Variants in SORCS2 observed in about 807,000 individuals in gnomAD.
SORCS2 encodes VPS10 domain-containing receptor SorCS2.
SORCS2 carries 100 observed loss-of-function variants against 141.6 expected under a neutral mutation model. The ratio of observed to expected loss-of-function variants is 0.71; its 90% CI spans 0.60 to 0.83. The LOEUF (loss-of-function observed/expected upper bound fraction) is 0.83. Ranked by LOEUF, SORCS2 falls within the 40% of genes least tolerant of loss-of-function variation. The pLI is 0.00. For missense variants in SORCS2, 1,646 were observed against 1,560.2 expected (o/e 1.05, Z -0.93); for synonymous variants, 789 against 676.9 (o/e 1.17, Z -2.57).
At chr4:7,428,019 G>T (rs1726576876) in intron 2 of SORCS2, among the ~76,000 whole-genome samples, 1 of 152,112 alleles carries the variant, frequency 6.6e-6, no homozygotes, top group Non-Finnish European at 1.5e-5. Context: ...TGCTCTGTGG[G>T]CTCTTCTGGG....
At chr4:7,316,172 A>C in intron 1 of SORCS2, among the ~76,000 whole-genome samples, 1 of 150,152 alleles carries the variant, frequency 6.7e-6, no homozygotes, top group East Asian at 2.0e-4. Flanking sequence ...TATCCCTCCT[A>C]TTCACCCATT....
intron 4 of SORCS2, among the ~76,000 whole-genome samples, chr4:7,653,152 C>A (rs574906020): frequency 2.5e-4 from 38 of 152,332 alleles, no homozygotes; most frequent in African/African-American, 9.1e-4. Context: ...GAACCCCTCC[C>A]GAGGGCACAG....
intron 1 of SORCS2, among the ~76,000 whole-genome samples, chr4:7,340,692 C>T (rs540070963): frequency 6.6e-6 from 1 of 152,358 alleles, no homozygotes; most frequent in East Asian, 1.9e-4. Flanking sequence ...GCTCCAGCTG[C>T]AGGCCCCACT....
intron 3 of SORCS2, among the ~76,000 whole-genome samples, chr4:7,629,877 G>A (rs1577865321): frequency 1.3e-5 from 2 of 151,936 alleles, no homozygotes; most frequent in Admixed American, 6.6e-5. Context: ...ACGCGCTGTC[G>A]GCCACCCTTT....
rs551133176 is a variant in SORCS2, at chr4:7,524,656, G to A, written c.549-6874G>A. Among the ~76,000 whole-genome samples the A allele has an allele frequency of 5.3e-5, 8 of 151,448 alleles. No homozygotes were observed. The East Asian group carries it at 5.9e-4, about 11-fold the overall frequency. ...GAATAATGGCCAGATAAGCAGCGCC[G>A]CCGCCCTTGTTCTTTCCCCAGGAAA... On this transcript the variant is annotated intron_variant, in intron 2 of 26. Coordinates refer to ENST00000507866, the MANE Select transcript of SORCS2 (RefSeq NM_020777.3).
intron 1 of SORCS2, among the ~76,000 whole-genome samples, chr4:7,345,943 C>T (rs1420167165): frequency 2.6e-5 from 4 of 152,210 alleles, no homozygotes; most frequent in Admixed American, 2.0e-4. Flanking sequence ...AACTTCTTCT[C>T]TTCCTTCATG....
rs563291887 is a variant in SORCS2, at chr4:7,689,092, C to G, written c.1489-394C>G. On this transcript the variant is annotated intron_variant, in intron 10 of 26. Transcript: ENST00000507866. ...TCACATCCCATGGCCCGGCACTTGA[C>G]CCGGCACTTGGGCTCTTGACCGATG... 3.3e-5 allele frequency among the ~76,000 whole-genome samples: 5 copies of G among 152,258 alleles called. No homozygotes were observed. The South Asian group carries it at 1.0e-3, about 32-fold the overall frequency.
chr4:7,349,716 C>T (rs529418549), intron 1 of SORCS2, among the ~76,000 whole-genome samples: 6 of 152,260 alleles, frequency 3.9e-5, no homozygotes, highest in East Asian at 1.9e-4. Context: ...CCAGGTGCTG[C>T]GGAGGTCCAG....
At chr4:7,256,580 A>C (rs1443351002) in intron 1 of SORCS2, among the ~76,000 whole-genome samples, 1 of 151,958 alleles carries the variant, frequency 6.6e-6, no homozygotes, top group African/African-American at 2.4e-5. Flanking sequence ...CTGGGGGATT[A>C]CAGAGCTGAA....
At chr4:7,534,875 C>T (rs1379388837) in intron 3 of SORCS2, among the ~76,000 whole-genome samples, 1 of 152,222 alleles carries the variant, frequency 6.6e-6, no homozygotes, top group African/African-American at 2.4e-5. Flanking sequence ...TGATTTGTTG[C>T]AGCAGCCACA....
chr4:7,434,372 G>C, intron 2 of SORCS2: 1 of 1,607,568 alleles, frequency 6.2e-7, no homozygotes, highest in Non-Finnish European at 8.5e-7. Context: ...AAGGTAAGGG[G>C]CCCATTGGCC....
intron 3 of SORCS2, among the ~76,000 whole-genome samples, chr4:7,623,666 G>C (rs927353510): frequency 3.9e-5 from 6 of 152,060 alleles, no homozygotes; most frequent in African/African-American, 1.4e-4. Flanking sequence ...CTGCTGGATT[G>C]GTCACCTGGG....
chr4:7,638,245 C>G, intron 3 of SORCS2, 83 bp from the exon 4 acceptor site: 1 of 1,447,812 alleles, frequency 6.9e-7, no homozygotes, highest in Non-Finnish European at 9.2e-7. Flanking sequence ...AGAGGCGCAC[C>G]TGGCCCAGGC....
intron 2 of SORCS2, among the ~76,000 whole-genome samples, chr4:7,494,862 C>T (rs1415592710): frequency 4.6e-5 from 7 of 152,206 alleles, no homozygotes; most frequent in Non-Finnish European, 8.8e-5. Context: ...CTTTGGGCTC[C>T]GGCTCGTCTC....
At chr4:7,396,734 G>A (rs577233439) in intron 2 of SORCS2, among the ~76,000 whole-genome samples, 7 of 152,268 alleles carry the variant, frequency 4.6e-5, no homozygotes, top group African/African-American at 1.4e-4. Flanking sequence ...CCCACCAAAG[G>A]CTCTGATTAT....
chr4:7,604,784 A>G (rs1717955580), intron 3 of SORCS2, among the ~76,000 whole-genome samples: 1 of 152,142 alleles, frequency 6.6e-6, no homozygotes, highest in African/African-American at 2.4e-5. Flanking sequence ...GGTCTCGGGT[A>G]TTTCTTTATA....
At chr4:7,349,275 C>G (rs79495605) in intron 1 of SORCS2, among the ~76,000 whole-genome samples, 1 of 152,212 alleles carries the variant, frequency 6.6e-6, no homozygotes, top group African/African-American at 2.4e-5. Flanking sequence ...CAGAAGGCCC[C>G]TCTGCCCCAG....
At chr4:7,556,918 C>CCCCCCCCT (rs1714170196) in intron 3 of SORCS2, among the ~76,000 whole-genome samples, 1 of 111,278 alleles carries the variant, frequency 9.0e-6, no homozygotes, top group African/African-American at 3.3e-5. Flanking sequence ...CATCCATCCA[C>CCCCCCCCT]CCACCCACCC....
At chr4:7,221,054 G>A (rs7690968) in intron 1 of SORCS2, among the ~76,000 whole-genome samples, 37,852 of 152,070 alleles carry the variant, frequency 0.25, 5,010 homozygotes, top group East Asian at 0.45. Context: ...GTGGGCAAAC[G>A]TGTCAGCTCA....
Sources: gnomAD v4.1 joint callset for allele counts (sites outside exome capture counted in the v4.1 genomes callset) on GRCh38, gnomAD v4.1.1 for gene constraint, MANE v1.5 for transcripts, NCBI Gene and HGNC (gene_info 2026-07-23, HGNC 2026-07-21) for gene names.